CHD3: variants seen among roughly 807,000 people sequenced by gnomAD.
CHD3 encodes chromodomain helicase DNA binding protein 3.
In CHD3, 52 loss-of-function variants were observed where a neutral mutation model predicts 248.9. The ratio of observed to expected loss-of-function variants is 0.21; its 90% CI spans 0.17 to 0.26. The LOEUF is 0.26. Among genes scored for constraint, CHD3 ranks in the 10% least tolerant of loss-of-function variants. The pLI is 1.00. For missense variants in CHD3, 1,482 were observed against 2,605.8 expected, an observed-to-expected ratio of 0.57 and a Z score of 9.39; for synonymous variants, 985 against 985.2, an observed-to-expected ratio of 1.00 and a Z score of 0.00.
At chr17:7,885,076 G>A, upstream of CHD3, 1 of 983,784 alleles carries the variant, frequency 1.0e-6, no homozygotes, top group Non-Finnish European at 1.2e-6. Flanking sequence ...CGCCGCCCCC[G>A]CCGCCAGGTA....
rs750075465 is a variant in CHD3, at chr17:7,901,290, T to C, written c.3167T>C (p.Ile1056Thr). ...PSGAYEGGAL[I>T]KSSGKLMLLQ... ...GGGGCTTATGAGGGTGGGGCACTTA[T>C]TAAGTCGTCTGGGAAGCTCATGCTG... The change falls in exon 20 of 40, where the codon ATT (isoleucine) becomes ACT (threonine). Residue 1056 changes from isoleucine (I) to threonine (T), a missense_variant. By Grantham distance (89) the Ile-to-Thr change is moderately conservative. Around this residue, in one of 20 missense-constraint regions of CHD3, gnomAD observed 31 missense variants for 53.9 expected, o/e 0.58. Transcript: ENST00000330494. The C allele has an allele frequency of 1.2e-5, 20 of 1,613,620 alleles. No individual in the cohort carries two copies. The East Asian group carries it at 2.0e-4, about 16-fold the overall frequency.
In CHD3 at chr17:7,906,258, T is replaced by C. The variant is rs763322475; in HGVS notation, c.4358+269T>C. The C allele has an allele frequency of 2.8e-6, 2 of 711,310 alleles. No individual in the cohort carries two copies. The highest frequency in any genetic ancestry group is 1.5e-5 in the South Asian group (1 of 67,918). The allele number at this position is 711,310 out of a possible 1,614,324, so 44.1% of individuals were successfully genotyped here. A position where few individuals can be genotyped will look rare whatever the true frequency, so the allele number is the denominator to read the frequency against. ...TCTCCTGGGCTGTCCTAGCCTCACA[T>C]TTACTTGACCACAATAACCTGGCAG... On this transcript the variant is annotated intron_variant, in intron 28 of 39. Transcript: ENST00000330494. This position sits in a 1 kb window ranked among gnomAD's most constrained non-coding sequence, Gnocchi z 5.0.
chr17:7,885,064 G>GCCGCCGCCC (rs1162070453), upstream of CHD3: 39,587 of 983,632 alleles, frequency 0.04, 909 homozygotes, highest in Admixed American at 0.1. Flanking sequence ...TGCCCCCGCC[G>GCCGCCGCCC]CCGCCGCCCC....
At chr17:7,901,125 C>G in intron 19 of CHD3, 119 bp from the exon 20 acceptor site, 6 of 1,513,712 alleles carry the variant, frequency 4.0e-6, no homozygotes, top group Non-Finnish European at 5.3e-6. Flanking sequence ...TGTCTGAGAA[C>G]AGGAGGAATT....
In CHD3 at chr17:7,909,314, C is replaced by T. The variant is rs1971359643; in HGVS notation, c.5566C>T (p.Pro1856Ser). The change falls in exon 37 of 40, where the codon CCG becomes TCG. Residue 1856 changes from proline (P) to serine (S), a missense_variant. By Grantham distance (74) the Pro-to-Ser change is moderately conservative. Around this residue, in one of 20 missense-constraint regions of CHD3, gnomAD observed 83 missense variants for 181.0 expected, o/e 0.46. Transcript: ENST00000330494. The surrounding 1 kb of genome is among the most constrained non-coding windows in gnomAD (Gnocchi z 8.1). Reference protein sequence around the residue: ...LSKESLAGNKPANAVLHKVLN... With the variant: ...LSKESLAGNKSANAVLHKVLN... ...CAAGGAGTCGCTGGCGGGGAACAAG[C>T]CGGCCAACGCCGTCCTGCACAAGGG... 6.4e-7 allele frequency: 1 copy of T among 1,558,012 alleles called. No individual in the cohort carries two copies. Among genetic ancestry groups the T allele is most frequent in the Non-Finnish European group, 8.7e-7 (1 of 1,152,692 alleles).
At position 7,899,973 on chromosome 17, in the gene CHD3, C is replaced by T; in HGVS notation, c.2622C>T (p.Ser874=). Residue 874 remains serine (S), a synonymous_variant, in exon 16 of 40, where the codon TCC becomes TCT. Coordinates refer to ENST00000330494, the MANE Select transcript of CHD3 (RefSeq NM_001005273.3). This position sits in a 1 kb window ranked among gnomAD's most constrained non-coding sequence, Gnocchi z 6.8. ...LITIDQAALG[S]IRWACLVVDE... is the part of the protein sequence containing the mutation. ...CCATTGATCAGGCAGCACTTGGTTC[C>T]ATCCGCTGGGCCTGTCTTGTGGTAG... 1.2e-6 allele frequency: 2 copies of T among 1,614,118 alleles called. No individual in the cohort carries two copies. The highest frequency in any genetic ancestry group is 2.2e-5 in the East Asian group (1 of 44,894).
rs780679378 is a variant in CHD3 at position 7,906,172 on chromosome 17, C to T, written c.4358+183C>T. On this transcript the variant is annotated intron_variant, in intron 28 of 39. Transcript: ENST00000330494. This position sits in a 1 kb window ranked among gnomAD's most constrained non-coding sequence, Gnocchi z 5.0. ...TCAGCCCACTCCACCTCCCCTCAGC[C>T]GAGCCTAGAGTAGAGGGGCCAGGCA... 1.0e-5 allele frequency: 10 copies of T among 980,056 alleles called. No homozygotes were observed. The highest frequency in any genetic ancestry group is 1.6e-5 in the African/African-American group (1 of 63,020). 60.7% of individuals were successfully genotyped at this position (980,056 alleles called of 1,614,324 possible). A position where few individuals can be genotyped will look rare whatever the true frequency, so the allele number is the denominator to read the frequency against.
Position 7,909,005 on chromosome 17 carries a change from G to A in CHD3, c.5395-138G>A. 7.1e-7 allele frequency: 1 copy of A among 1,402,926 alleles called. No individual in the cohort carries two copies. The highest frequency in any genetic ancestry group is 9.7e-7 in the Non-Finnish European group (1 of 1,029,432). The allele number at this position is 1,402,926 out of a possible 1,614,324, so 86.9% of individuals were successfully genotyped here. A position where few individuals can be genotyped will look rare whatever the true frequency, so the allele number is the denominator to read the frequency against. ...TGATCTGGGTCAGGGTTGCTGCTAG[G>A]TTCGCAGTCGGTTTGGAGCTGGGAG... On this transcript the variant is annotated intron_variant, in intron 36 of 39. Coordinates refer to ENST00000330494, the MANE Select transcript of CHD3 (RefSeq NM_001005273.3). This position sits in a 1 kb window ranked among gnomAD's most constrained non-coding sequence, Gnocchi z 8.1.
At chr17:7,885,031 GCCGCCGCCGCCGCCGCCA>G, upstream of CHD3, 1 of 1,118,218 alleles carries the variant, frequency 8.9e-7, no homozygotes, top group Non-Finnish European at 1.1e-6. Context: ...TCTTCCCGCC[GCCGCCGCCGCCGCCGCCA>G]CCGCTGCCCC....
At chr17:7,894,034 G>T in intron 6 of CHD3, 81 bp from the exon 7 acceptor site, 1 of 1,583,276 alleles carries the variant, frequency 6.3e-7, no homozygotes. Flanking sequence ...ATCCGTGAGG[G>T]ATGGCGGAAC....
rs1315483941 is a variant in CHD3 at position 7,909,193 on chromosome 17, C to T, written c.5445C>T (p.Tyr1815=). The change falls in exon 37 of 40, where the codon TAC becomes TAT. Residue 1815 remains tyrosine, a synonymous_variant. Coordinates refer to ENST00000330494, the MANE Select transcript of CHD3 (RefSeq NM_001005273.3). The surrounding 1 kb of genome is among the most constrained non-coding windows in gnomAD (Gnocchi z 8.1). Reference sequence around the variant, plus strand: ...AGGAGCAGCTGCGGCGGGCGGCCTACCTGAACCTGTCGCAGGAGCCGGCGC... The same window carrying T: ...AGGAGCAGCTGCGGCGGGCGGCCTATCTGAACCTGTCGCAGGAGCCGGCGC... The part of the protein sequence containing the change: ...VIEEQLRRAA[Y]LNLSQEPAHP... 5.8e-6 allele frequency: 9 copies of T among 1,549,514 alleles called. No homozygotes were observed. The Middle Eastern group carries it at 6.9e-4, about 118-fold the overall frequency.
Position 7,895,712 on chromosome 17 carries a change from C to A in CHD3, c.1707+170C>A. Reference sequence around the variant, plus strand: ...TTCCATATGTGGTTCTTTTGGTCTACAGTCCTCTTTCTCTCAGTCTCCGTT... The same window carrying A: ...TTCCATATGTGGTTCTTTTGGTCTAAAGTCCTCTTTCTCTCAGTCTCCGTT... On this transcript the variant is annotated intron_variant, in intron 10 of 39. Coordinates refer to ENST00000330494, the MANE Select transcript of CHD3 (RefSeq NM_001005273.3). The surrounding 1 kb of genome is among the most constrained non-coding windows in gnomAD (Gnocchi z 4.9). The A allele has an allele frequency of 1.6e-6, 1 of 622,450 alleles. No homozygotes were observed. The highest frequency in any genetic ancestry group is 2.8e-6 in the Non-Finnish European group (1 of 353,652). 38.6% of individuals were successfully genotyped at this position (622,450 alleles called of 1,614,324 possible). A position where few individuals can be genotyped will look rare whatever the true frequency, so the allele number is the denominator to read the frequency against.
At position 7,889,037 on chromosome 17, in the gene CHD3, A is replaced by G. The variant is rs1361771986; in HGVS notation, c.37A>G (p.Ser13Gly). 1 of 1,614,254 alleles carries G rather than the reference A, an allele frequency of 6.2e-7. No individual in the cohort carries two copies. Among genetic ancestry groups the G allele is most frequent in the South Asian group, 1.1e-5 (1 of 91,088 alleles). The stretch of plus-strand genomic sequence containing the variant: ...AGACACTGTGATCCTGTGGGCAAGA[A>G]GTAAAAATGACCAGCTGAGGATTTC... ...AADTVILWAR[S>G]KNDQLRISFP... The change falls in exon 1 of 40, where the codon AGT becomes GGT. Residue 13 changes from serine (S) to glycine (G), a missense_variant. Coordinates refer to ENST00000330494, the MANE Select transcript of CHD3 (RefSeq NM_001005273.3). This position sits in a 1 kb window ranked among gnomAD's most constrained non-coding sequence, Gnocchi z 4.5.
intron 20 of CHD3, among the ~76,000 whole-genome samples, chr17:7,902,387 C>T (rs1037117043): frequency 6.6e-6 from 1 of 151,636 alleles, no homozygotes; most frequent in African/African-American, 2.4e-5. Context: ...CACCACTGCA[C>T]TCCAGCTAGG....
Position 7,900,833 on chromosome 17 carries a change from C to A in CHD3, c.2979-19C>A. On this transcript the variant is annotated intron_variant, in intron 18 of 39. Coordinates refer to ENST00000330494, the MANE Select transcript of CHD3 (RefSeq NM_001005273.3). This position sits in a 1 kb window ranked among gnomAD's most constrained non-coding sequence, Gnocchi z 6.5. ...TTCCTTTATTTATGTTTCTTTTACA[C>A]CCCTTTCCTGGCCTTTAGGAAATAC... 1 of 1,613,412 alleles carries A rather than the reference C, an allele frequency of 6.2e-7. No homozygotes were observed. The highest frequency in any genetic ancestry group is 8.5e-7 in the Non-Finnish European group (1 of 1,179,614).
chr17:7,889,202 T>G lies in CHD3; in HGVS notation c.100+102T>G, dbSNP rs1434519282. The G allele has an allele frequency of 2.1e-6, 3 of 1,441,214 alleles. No homozygotes were observed. The highest frequency in any genetic ancestry group is 2.9e-6 in the Non-Finnish European group (3 of 1,045,466). The allele number at this position is 1,441,214 out of a possible 1,614,324, so 89.3% of individuals were successfully genotyped here. A position where few individuals can be genotyped will look rare whatever the true frequency, so the allele number is the denominator to read the frequency against. On this transcript the variant is annotated intron_variant, in intron 1 of 39. Transcript: ENST00000330494. The surrounding 1 kb of genome is among the most constrained non-coding windows in gnomAD (Gnocchi z 4.5). ...GAACCCAGGTGTCCACCTTTGGCTC[T>G]CCCTCCCCAGCATCTGGCTTAGGGA...
chr17:7,906,446 T>C lies in CHD3; in HGVS notation c.4359-107T>C. 8.4e-7 allele frequency: 1 copy of C among 1,189,642 alleles called. No individual in the cohort carries two copies. Among genetic ancestry groups the C allele is most frequent in the Non-Finnish European group, 1.2e-6 (1 of 821,376 alleles). 73.7% of individuals were successfully genotyped at this position (1,189,642 alleles called of 1,614,324 possible). Reference sequence around the variant, plus strand: ...CCCAGGGGAGGAGCCCTGGAGCACCTGGGGATTTGGGGGTTTGGGGGTCCT... The same window carrying C: ...CCCAGGGGAGGAGCCCTGGAGCACCCGGGGATTTGGGGGTTTGGGGGTCCT... On this transcript the variant is annotated intron_variant, in intron 28 of 39. Transcript: ENST00000330494. The surrounding 1 kb of genome is among the most constrained non-coding windows in gnomAD (Gnocchi z 5.0).
chr17:7,905,937 A>G lies in CHD3; in HGVS notation c.4306A>G (p.Thr1436Ala). Reference sequence around the variant, plus strand: ...GGGGATGCCACCACAGGATGCCTTCACCACACAGTGGCTGGTGCGGGACCT... The same window carrying G: ...GGGGATGCCACCACAGGATGCCTTCGCCACACAGTGGCTGGTGCGGGACCT... Reference protein sequence around the residue: ...RWGMPPQDAFTTQWLVRDLRG... With the variant: ...RWGMPPQDAFATQWLVRDLRG... Residue 1436 changes from threonine to alanine, a missense_variant, in exon 28 of 40, where the codon ACC becomes GCC. This residue lies in a region of CHD3 where 156 missense variants were observed against 420.3 expected (regional missense o/e 0.37). Coordinates refer to ENST00000330494, the MANE Select transcript of CHD3 (RefSeq NM_001005273.3). This position sits in a 1 kb window ranked among gnomAD's most constrained non-coding sequence, Gnocchi z 5.8. 1 of 1,614,192 alleles carries G rather than the reference A, an allele frequency of 6.2e-7. No individual in the cohort carries two copies. Among genetic ancestry groups the G allele is most frequent in the Non-Finnish European group, 8.5e-7 (1 of 1,180,028 alleles).
rs201334286 is a variant in CHD3 at position 7,907,089 on chromosome 17, A to G, written c.4667-37A>G. ...AAAGGGAGCCAGGAGTCAGGGCGGG[A>G]GAATCTCTGTCTTTATCACTGTGCC... On this transcript the variant is annotated intron_variant, in intron 30 of 39. Coordinates refer to ENST00000330494, the MANE Select transcript of CHD3 (RefSeq NM_001005273.3). This position sits in a 1 kb window ranked among gnomAD's most constrained non-coding sequence, Gnocchi z 4.3. The G allele has an allele frequency of 1.9e-6, 3 of 1,614,068 alleles. No individual in the cohort carries two copies. Among genetic ancestry groups the G allele is most frequent in the Admixed American group, 3.3e-5 (2 of 60,018 alleles).
Sources: allele counts gnomAD v4.1 joint callset (sites outside exome capture counted in the v4.1 genomes callset), GRCh38; gene constraint gnomAD v4.1.1; regional missense constraint gnomAD v4.1.1; non-coding constraint Gnocchi (gnomAD v3.1); transcripts MANE v1.5; gene names NCBI Gene and HGNC (gene_info 2026-07-23, HGNC 2026-07-21).